The following GADL1 variants were observed in gnomAD, a reference collection of about 807,000 sequenced individuals.
GADL1 encodes acidic amino acid decarboxylase GADL1.
In GADL1, 71 loss-of-function variants were observed where a neutral mutation model predicts 69.5. The ratio of observed to expected loss-of-function variants is 1.02; its 90% confidence interval spans 0.84 to 1.25. The LOEUF is 1.25. Among genes scored for constraint, GADL1 ranks in the 50% most tolerant of loss-of-function variants. The probability of loss-of-function intolerance (pLI) is 0.00; values close to 1 mark genes in which losing one functional copy is unlikely to be tolerated. For missense variants in GADL1, 737 were observed against 631.8 expected (o/e 1.17, Z -1.79); for synonymous variants, 254 against 214.4 (o/e 1.18, Z -1.62).
chr3:30,864,004 T>C (rs1698359562), intron 1 of GADL1, among the ~76,000 whole-genome samples: 2 of 151,968 alleles, frequency 1.3e-5, no homozygotes, highest in South Asian at 4.1e-4. Flanking sequence ...CATTTAGAGC[T>C]CCAATGAAGA....
intron 14 of GADL1, among the ~76,000 whole-genome samples, chr3:30,757,026 A>ACCCCTCAGCTTCCTCCATTT (rs1695991114): frequency 2.6e-5 from 4 of 152,192 alleles, no homozygotes; most frequent in African/African-American, 9.6e-5. Context: ...TTTCAGCATT[A>ACCCCTCAGCTTCCTCCATTT]CCCCTCAGCT....
chr3:30,769,601 C>T (rs553063877), intron 14 of GADL1, among the ~76,000 whole-genome samples: 1 of 152,126 alleles, frequency 6.6e-6, no homozygotes, highest in Admixed American at 6.5e-5. Context: ...CTTCAGAACA[C>T]ACAAACTTCA....
chr3:30,889,873 A>G (rs1449255002), intron 1 of GADL1, among the ~76,000 whole-genome samples: 2 of 152,318 alleles, frequency 1.3e-5, no homozygotes, highest in South Asian at 2.1e-4. Flanking sequence ...AAGCAATGCA[A>G]ATTCCTACAT....
chr3:30,885,813 C>T lies in GADL1; in HGVS notation c.37+8765G>A, dbSNP rs184761231. Among the ~76,000 whole-genome samples, 22 of 151,884 alleles carry T rather than the reference C, an allele frequency of 1.4e-4. No individual in the cohort carries two copies. The East Asian group carries it at 3.7e-3, about 26-fold the overall frequency. On this transcript the variant is annotated intron_variant, in intron 1 of 14. Coordinates refer to ENST00000282538, the MANE Select transcript of GADL1 (RefSeq NM_207359.3). ...ATAGAGGTGAGATCTCACCATGCTG[C>T]CCAGGCTGGTTTCGAACTCCTGATC...
chr3:30,864,580 T>A (rs953345863), intron 1 of GADL1, among the ~76,000 whole-genome samples: 5 of 151,960 alleles, frequency 3.3e-5, no homozygotes, highest in Non-Finnish European at 5.9e-5. Context: ...GATAGACACA[T>A]TTTATTTTTA....
chr3:30,799,894 C>T (rs553891364), intron 12 of GADL1: 2 of 152,298 alleles, frequency 1.3e-5, no homozygotes, highest in African/African-American at 2.4e-5. Flanking sequence ...CAACTTTGCT[C>T]CAGTTCCCAA....
chr3:30,732,253 C>G (rs1695469724), intron 14 of GADL1, among the ~76,000 whole-genome samples: 1 of 152,136 alleles, frequency 6.6e-6, no homozygotes, highest in Non-Finnish European at 1.5e-5. Flanking sequence ...CCAGATACCA[C>G]CCCTAAATGG....
chr3:30,769,582 G>GAT, intron 14 of GADL1, among the ~76,000 whole-genome samples: 1 of 152,182 alleles, frequency 6.6e-6, no homozygotes, highest in East Asian at 1.9e-4. Context: ...CATCTAGGAA[G>GAT]ATAGACATCT....
intron 1 of GADL1, among the ~76,000 whole-genome samples, chr3:30,890,425 G>GAT (rs758153474): frequency 9.8e-5 from 15 of 152,286 alleles, no homozygotes; most frequent in Non-Finnish European, 1.9e-4. Context: ...AAAGAATGAT[G>GAT]ATATGGGCAA....
intron 14 of GADL1, among the ~76,000 whole-genome samples, chr3:30,762,581 G>GGGAAT (rs1648331175): frequency 1.3e-5 from 2 of 152,154 alleles, no homozygotes; most frequent in East Asian, 1.9e-4. Flanking sequence ...TGAAAAATGA[G>GGGAAT]GTATACATTC....
At chr3:30,757,623 T>TA (rs1696007994) in intron 14 of GADL1, among the ~76,000 whole-genome samples, 1 of 152,176 alleles carries the variant, frequency 6.6e-6, no homozygotes, top group African/African-American at 2.4e-5. Flanking sequence ...CTAGGGCACA[T>TA]AACCCCCCCA....
chr3:30,752,073 T>A (rs1422714548), intron 14 of GADL1, among the ~76,000 whole-genome samples: 1 of 151,950 alleles, frequency 6.6e-6, no homozygotes. Context: ...TGCTGAAACC[T>A]ATTTCGTTAA....
intron 11 of GADL1, among the ~76,000 whole-genome samples, chr3:30,826,736 A>G (rs1215287521): frequency 6.6e-6 from 1 of 151,824 alleles, no homozygotes; most frequent in African/African-American, 2.4e-5. Flanking sequence ...AAAAGCAAGT[A>G]TCTCTTCTAC....
At chr3:30,847,627 G>A (rs1050571495) in intron 6 of GADL1, among the ~76,000 whole-genome samples, 42 of 152,110 alleles carry the variant, frequency 2.8e-4, no homozygotes, top group African/African-American at 9.7e-4. Context: ...CTGCAAAGTA[G>A]TGTCTTGACC....
Position 30,752,580 on chromosome 3 carries a change from T to C in GADL1, c.1393-24165A>G, listed in dbSNP as rs6763417. Among the ~76,000 whole-genome samples, 459 of 152,330 alleles carry C rather than the reference T, an allele frequency of 3.0e-3. 6 individuals are homozygous for C. Among genetic ancestry groups the C allele is most frequent in the African/African-American group, 0.01 (430 of 41,564 alleles). On this transcript the variant is annotated intron_variant, in intron 14 of 14. Transcript: ENST00000282538. ...TCATAAACCCAGTCTCGAGGAGTTA[T>C]GCGAGTGTTTTTCTCTGTCCTTTCT...
chr3:30,891,351 C>T (rs963369193), intron 1 of GADL1, among the ~76,000 whole-genome samples: 1 of 152,124 alleles, frequency 6.6e-6, no homozygotes, highest in African/African-American at 2.4e-5. Context: ...TGAGTGCGAA[C>T]CTCCCAAAAC....
At chr3:30,746,782 A>G (rs998446829) in intron 14 of GADL1, among the ~76,000 whole-genome samples, 8 of 152,222 alleles carry the variant, frequency 5.3e-5, no homozygotes, top group African/African-American at 1.9e-4. Flanking sequence ...GACAATAAAA[A>G]TTTCCATTAA....
intron 6 of GADL1, among the ~76,000 whole-genome samples, chr3:30,845,201 T>G (rs1467679640): frequency 6.6e-6 from 1 of 152,166 alleles, no homozygotes; most frequent in African/African-American, 2.4e-5. Flanking sequence ...GGCTAATAGA[T>G]GAATATGGAA....
intron 1 of GADL1, among the ~76,000 whole-genome samples, chr3:30,865,517 G>C (rs887558449): frequency 1.3e-5 from 2 of 151,902 alleles, no homozygotes; most frequent in Admixed American, 1.3e-4. Context: ...AGATGCCGTC[G>C]CAGGTTGTCT....
Sources: gnomAD v4.1 joint callset for allele counts (sites outside exome capture counted in the v4.1 genomes callset) on GRCh38, gnomAD v4.1.1 for gene constraint, MANE v1.5 for transcripts, NCBI Gene and HGNC (gene_info 2026-07-23, HGNC 2026-07-21) for gene names.